The following CDH13 variants were observed in gnomAD, a reference collection of about 807,000 sequenced individuals.
CDH13 encodes cadherin 13.
Under a neutral mutation model 63.8 loss-of-function variants are expected in CDH13, and 24 were observed. The ratio of observed to expected loss-of-function variants is 0.38; its 90% CI spans 0.27 to 0.53. The LOEUF is 0.53. Ranked by LOEUF, CDH13 falls within the 20% of genes least tolerant of loss-of-function variation. CDH13 has a pLI of 0.85. For synonymous variants in CDH13, 503 were observed against 355.3 expected (o/e 1.42, Z -4.67); for missense variants, 1,049 against 903.1 (o/e 1.16, Z -2.07).
intron 7 of CDH13, among the ~76,000 whole-genome samples, chr16:83,489,358 A>T (rs1000159160): frequency 3.3e-5 from 5 of 152,222 alleles, no homozygotes; most frequent in Admixed American, 6.5e-5. Flanking sequence ...AGATCAACTC[A>T]ATTTAACCGA....
At chr16:83,062,249 T>A (rs1161991692) in intron 3 of CDH13, among the ~76,000 whole-genome samples, 1 of 151,882 alleles carries the variant, frequency 6.6e-6, no homozygotes, top group Non-Finnish European at 1.5e-5. Flanking sequence ...GAGTACCCCC[T>A]GTCAGTTTTC....
At chr16:83,531,653 G>T (rs962456405) in intron 7 of CDH13, among the ~76,000 whole-genome samples, 1 of 152,192 alleles carries the variant, frequency 6.6e-6, no homozygotes, top group Non-Finnish European at 1.5e-5. Flanking sequence ...GAGTGGTATT[G>T]ACTGAAGAAG....
At chr16:83,716,104 T>C (rs886400896) in intron 10 of CDH13, among the ~76,000 whole-genome samples, 1 of 152,202 alleles carries the variant, frequency 6.6e-6, no homozygotes, top group African/African-American at 2.4e-5. Flanking sequence ...TTTGTTTTAA[T>C]AGACTTTGTT....
intron 7 of CDH13, among the ~76,000 whole-genome samples, chr16:83,542,509 G>T (rs1489488483): frequency 2.0e-5 from 3 of 152,184 alleles, no homozygotes; most frequent in African/African-American, 4.8e-5. Context: ...GTTTGCAACG[G>T]CTGTGGTAAC....
intron 8 of CDH13, among the ~76,000 whole-genome samples, chr16:83,663,259 G>GT (rs1345848634): frequency 1.3e-5 from 2 of 152,192 alleles, no homozygotes; most frequent in Non-Finnish European, 2.9e-5. Context: ...TAGTACCACT[G>GT]TTTTCAGCAG....
intron 8 of CDH13, among the ~76,000 whole-genome samples, chr16:83,604,797 G>A (rs11864519): frequency 0.12 from 17,566 of 152,190 alleles, 2,008 homozygotes; most frequent in African/African-American, 0.29. Context: ...AAAATATGAA[G>A]ATGAATCTGT....
intron 2 of CDH13, among the ~76,000 whole-genome samples, chr16:82,996,548 T>C (rs531664174): frequency 5.3e-5 from 8 of 152,298 alleles, no homozygotes; most frequent in African/African-American, 1.9e-4. Flanking sequence ...AGGTGATACA[T>C]TGAAATCAGC....
chr16:83,282,195 C>G (rs1385978147), intron 5 of CDH13, among the ~76,000 whole-genome samples: 1 of 151,926 alleles, frequency 6.6e-6, no homozygotes, highest in Non-Finnish European at 1.5e-5. Flanking sequence ...TCATGGTACC[C>G]CAAAACAGAT....
chr16:83,704,381 A>G (rs1409509060), intron 10 of CDH13, among the ~76,000 whole-genome samples: 1 of 152,200 alleles, frequency 6.6e-6, no homozygotes. Context: ...TGGTTCTCCA[A>G]CTCCCATGCA....
intron 11 of CDH13, among the ~76,000 whole-genome samples, chr16:83,762,260 T>C (rs1914033637): frequency 6.6e-6 from 1 of 152,162 alleles, no homozygotes; most frequent in Non-Finnish European, 1.5e-5. Flanking sequence ...TAGAGATGAA[T>C]ATCGTCATTT....
intron 6 of CDH13, among the ~76,000 whole-genome samples, chr16:83,409,894 G>T (rs1299702513): frequency 6.6e-6 from 1 of 152,188 alleles, no homozygotes; most frequent in African/African-American, 2.4e-5. Context: ...ACCAGATTTA[G>T]AAGAAGCCAT....
chr16:83,714,130 A>G (rs1416657484), intron 10 of CDH13, among the ~76,000 whole-genome samples: 1 of 152,184 alleles, frequency 6.6e-6, no homozygotes, highest in East Asian at 1.9e-4. Context: ...TCTTACAGGA[A>G]GAAGTGAAAA....
At chr16:83,163,388 C>T (rs1485485493) in intron 4 of CDH13, among the ~76,000 whole-genome samples, 1 of 152,058 alleles carries the variant, frequency 6.6e-6, no homozygotes, top group Non-Finnish European at 1.5e-5. Context: ...TCAAAACCTG[C>T]ACCCCAGGTA....
In CDH13 at chr16:83,047,928, A is replaced by C. The variant is rs1231528997; in HGVS notation, c.366+15710A>C. Among the ~76,000 whole-genome samples, 1 of 152,240 alleles carries C rather than the reference A, an allele frequency of 6.6e-6. No individual in the cohort carries two copies. The highest frequency in any genetic ancestry group is 1.5e-5 in the Non-Finnish European group (1 of 68,054). On this transcript the variant is annotated intron_variant, in intron 3 of 13. Coordinates refer to ENST00000567109, the MANE Select transcript of CDH13 (RefSeq NM_001257.5). This position sits in a 1 kb window ranked among gnomAD's most constrained non-coding sequence, Gnocchi z 4.9. Reference sequence around the variant, plus strand: ...GACTATGTGTGACCAGCACAGGGTCATACATCTAGAATATTTTGGAGACAT... The same window carrying C: ...GACTATGTGTGACCAGCACAGGGTCCTACATCTAGAATATTTTGGAGACAT...
intron 1 of CDH13, among the ~76,000 whole-genome samples, chr16:82,692,587 T>C (rs1401550665): frequency 6.6e-6 from 1 of 152,172 alleles, no homozygotes; most frequent in African/African-American, 2.4e-5. Context: ...ATGTGAGAAT[T>C]ATGGGAGCTA....
chr16:83,789,433 G>A (rs1293132651), intron 13 of CDH13, among the ~76,000 whole-genome samples: 1 of 147,670 alleles, frequency 6.8e-6, no homozygotes, highest in Admixed American at 7.0e-5. Context: ...TGCAACTTCT[G>A]CCTCCCAGGT....
intron 7 of CDH13, among the ~76,000 whole-genome samples, chr16:83,510,617 G>A (rs554112467): frequency 1.3e-5 from 2 of 152,104 alleles, no homozygotes; most frequent in African/African-American, 4.8e-5. Context: ...TCTACCCCTG[G>A]ACAGGAGACC....
Position 82,706,053 on chromosome 16 carries a change from T to G in CDH13, c.45+78916T>G, listed in dbSNP as rs188850834. Among the ~76,000 whole-genome samples, 91 of 152,176 alleles carry G rather than the reference T, an allele frequency of 6.0e-4. 3 individuals are homozygous for G. In the East Asian group the frequency reaches 0.017, roughly 29 times the overall value. ...ATTCTGTCTTCCCTCCCTTCTTCCC[T>G]TCTTCCTTATTCTCTCTCTTCCTCC... On this transcript the variant is annotated intron_variant, in intron 1 of 13. Transcript: ENST00000567109.
chr16:83,685,399 G>C (rs969519198), intron 10 of CDH13, among the ~76,000 whole-genome samples: 3 of 152,158 alleles, frequency 2.0e-5, no homozygotes, highest in Non-Finnish European at 2.9e-5. Flanking sequence ...CATGATACTA[G>C]ATATTTGCAT....
Sources: gnomAD v4.1 joint callset for allele counts (sites outside exome capture counted in the v4.1 genomes callset) on GRCh38, gnomAD v4.1.1 for gene constraint, Gnocchi (gnomAD v3.1) non-coding constraint, MANE v1.5 for transcripts, NCBI Gene and HGNC (gene_info 2026-07-23, HGNC 2026-07-21) for gene names.